Variants in ADGRF5 observed in about 807,000 individuals in gnomAD.
ADGRF5 encodes G-protein coupled receptor 116.
ADGRF5 carries 75 observed loss-of-function variants against 132.3 expected under a neutral mutation model. The ratio of observed to expected loss-of-function variants is 0.57; its 90% CI spans 0.47 to 0.69. ADGRF5 has a LOEUF of 0.69. Ranked by LOEUF, ADGRF5 falls within the 30% of genes least tolerant of loss-of-function variation. The pLI is 0.00. For synonymous variants in ADGRF5, 629 were observed against 597.6 expected (o/e 1.05, Z -0.77); for missense variants, 1,516 against 1,630.6 (o/e 0.93, Z 1.21).
chr6:46,877,289 TTC>T (rs71544214), intron 10 of ADGRF5, among the ~76,000 whole-genome samples: 1,150 of 67,994 alleles, frequency 0.017, 51 homozygotes, highest in African/African-American at 0.049. Flanking sequence ...CTTTCTTTCT[TTC>T]TCTCTCTCTC....
chr6:46,933,908 C>T (rs1199545733), intron 1 of ADGRF5, among the ~76,000 whole-genome samples: 2 of 152,170 alleles, frequency 1.3e-5, no homozygotes, highest in Admixed American at 6.5e-5. Flanking sequence ...ATTCCAGACC[C>T]ATCGCCCTTG....
chr6:46,922,176 C>T (rs1312066980), upstream of ADGRF5, among the ~76,000 whole-genome samples: 2 of 152,128 alleles, frequency 1.3e-5, no homozygotes, highest in Admixed American at 6.5e-5. Flanking sequence ...TAGGTTAGAG[C>T]TAATGAGAAG....
rs559663907 is a variant in ADGRF5 at position 46,864,961 on chromosome 6, T to A, written c.1990+81A>T. 494 of 908,790 alleles carry A rather than the reference T, an allele frequency of 5.4e-4. 1 individual carries two copies. Among genetic ancestry groups the A allele is most frequent in the Non-Finnish European group, 7.8e-4 (444 of 572,536 alleles). 56.3% of individuals were successfully genotyped at this position (908,790 alleles called of 1,614,324 possible). A position where few individuals can be genotyped will look rare whatever the true frequency, so the allele number is the denominator to read the frequency against. ...GGGTATTTAACATATGTTTATTGAATGGGGATGAATGAGGGAGTGAATAAA... is the reference window on the plus strand; with the variant it reads ...GGGTATTTAACATATGTTTATTGAAAGGGGATGAATGAGGGAGTGAATAAA... On this transcript the variant is annotated intron_variant, in intron 14 of 20. Transcript: ENST00000283296.
In ADGRF5 at chr6:46,855,840, A is replaced by G. The variant is rs1768973559; in HGVS notation, c.3961+134T>C. 1.5e-5 allele frequency: 10 copies of G among 656,288 alleles called. 1 individual carries two copies. The South Asian group carries it at 1.7e-4, about 11-fold the overall frequency. 40.7% of individuals were successfully genotyped at this position (656,288 alleles called of 1,614,324 possible). A position where few individuals can be genotyped will look rare whatever the true frequency, so the allele number is the denominator to read the frequency against. ...GATTTGTGAAAATGTAAGTTCCTCTATTTAACCTCTACCCCAAAAGAGGAC... is the reference window on the plus strand; with the variant it reads ...GATTTGTGAAAATGTAAGTTCCTCTGTTTAACCTCTACCCCAAAAGAGGAC... On this transcript the variant is annotated intron_variant, in intron 20 of 20. Coordinates refer to ENST00000283296, the MANE Select transcript of ADGRF5 (RefSeq NM_001098518.2).
chr6:46,871,816 G>A, intron 11 of ADGRF5, 27 bp downstream of exon 11: 4 of 1,507,258 alleles, frequency 2.7e-6, no homozygotes, highest in Non-Finnish European at 3.6e-6. Context: ...CCTATTTATG[G>A]CTAAAAATGC....
chr6:46,944,513 A>G (rs2047422187), intron 1 of ADGRF5, among the ~76,000 whole-genome samples: 1 of 152,074 alleles, frequency 6.6e-6, no homozygotes, highest in Admixed American at 6.5e-5. Flanking sequence ...TCCTACACAC[A>G]CAGGTTCCAA....
chr6:46,917,597 G>A (rs139657372), intron 1 of ADGRF5, among the ~76,000 whole-genome samples: 2,708 of 152,240 alleles, frequency 0.018, 39 homozygotes, highest in South Asian at 0.044. Context: ...CACTGAGTAT[G>A]GTCCCTGGCA....
intron 13 of ADGRF5, among the ~76,000 whole-genome samples, chr6:46,866,499 T>C (rs1283294527): frequency 6.6e-6 from 1 of 152,182 alleles, no homozygotes; most frequent in Non-Finnish European, 1.5e-5. Flanking sequence ...TAAAGCATCA[T>C]TTCTATTTTA....
chr6:46,930,748 ACAGT>A (rs1308760655), intron 1 of ADGRF5, among the ~76,000 whole-genome samples: 1 of 152,078 alleles, frequency 6.6e-6, no homozygotes, highest in East Asian at 1.9e-4. Flanking sequence ...TCACTGGAAA[ACAGT>A]CAATTAAATG....
intron 1 of ADGRF5, among the ~76,000 whole-genome samples, chr6:46,909,812 C>T (rs529702943): frequency 1.0e-3 from 153 of 152,026 alleles, no homozygotes; most frequent in African/African-American, 3.5e-3. Flanking sequence ...CTGTATTATA[C>T]CAAAACAAAC....
In ADGRF5 at chr6:46,860,699, G is replaced by C. The variant is rs750075806; in HGVS notation, c.2379+16C>G. ...AGGTAAGACCCAAAACTCCTGCAAA[G>C]GTTAAGCAAACTCACCGTCATCATT... On this transcript the variant is annotated intron_variant, in intron 16 of 20. Coordinates refer to ENST00000283296, the MANE Select transcript of ADGRF5 (RefSeq NM_001098518.2). 4.4e-6 allele frequency: 7 copies of C among 1,603,344 alleles called. No individual in the cohort carries two copies. The highest frequency in any genetic ancestry group is 1.7e-5 in the Admixed American group (1 of 59,540).
intron 10 of ADGRF5, among the ~76,000 whole-genome samples, chr6:46,872,524 G>T (rs1046689181): frequency 3.3e-5 from 5 of 152,100 alleles, no homozygotes; most frequent in Admixed American, 3.3e-4. Flanking sequence ...CAATACTGGG[G>T]CACCTGATAT....
upstream of ADGRF5, among the ~76,000 whole-genome samples, chr6:46,925,576 C>T (rs988847693): frequency 3.9e-5 from 6 of 152,086 alleles, no homozygotes; most frequent in Admixed American, 6.5e-5. Flanking sequence ...GCCAACATGG[C>T]GAAACCCTGT....
At chr6:46,881,627 C>T in intron 7 of ADGRF5, 30 bp from the exon 8 acceptor site, 2 of 1,601,850 alleles carry the variant, frequency 1.2e-6, no homozygotes, top group African/African-American at 1.3e-5. Context: ...TTCAGTAAAA[C>T]AATAACTGAC....
chr6:46,888,656 A>T (rs1241143103), intron 3 of ADGRF5, 151 bp from the exon 4 acceptor site: 5 of 628,124 alleles, frequency 8.0e-6, no homozygotes, highest in Non-Finnish European at 1.4e-5. Context: ...TCTTTAGAGA[A>T]AAAGAAGGTT....
In ADGRF5 at chr6:46,897,710, G is replaced by A. The variant is rs189415220; in HGVS notation, c.157+2319C>T. On this transcript the variant is annotated intron_variant, in intron 3 of 20. Transcript: ENST00000283296. Reference sequence around the variant, plus strand: ...CTGCCTCAGCCTCCTGAGTAGCTGGGAATACGACTATTTTTAGTAGAGACG... The same window carrying A: ...CTGCCTCAGCCTCCTGAGTAGCTGGAAATACGACTATTTTTAGTAGAGACG... 3.6e-3 allele frequency among the ~76,000 whole-genome samples: 545 copies of A among 152,238 alleles called. 1 individual carries two copies. Among genetic ancestry groups the A allele is most frequent in the Non-Finnish European group, 5.6e-3 (382 of 68,008 alleles).
At chr6:46,915,822 C>A (rs955830014) in intron 1 of ADGRF5, among the ~76,000 whole-genome samples, 17 of 152,022 alleles carry the variant, frequency 1.1e-4, no homozygotes, top group African/African-American at 4.1e-4. Flanking sequence ...CTTTAGTCCT[C>A]ACCTCATTAT....
chr6:46,954,515 T>C (rs550150691), intron 1 of ADGRF5, among the ~76,000 whole-genome samples: 30 of 152,026 alleles, frequency 2.0e-4, no homozygotes, highest in Non-Finnish European at 4.0e-4. Flanking sequence ...ATATACTGGC[T>C]GGCATTCTTT....
intron 1 of ADGRF5, among the ~76,000 whole-genome samples, chr6:46,937,419 A>T (rs1484274848): frequency 6.6e-6 from 1 of 152,116 alleles, no homozygotes; most frequent in Non-Finnish European, 1.5e-5. Context: ...TAAGCAGAGC[A>T]GTTCAGGTCA....
Sources: allele counts gnomAD v4.1 joint callset (sites outside exome capture counted in the v4.1 genomes callset), GRCh38; gene constraint gnomAD v4.1.1; transcripts MANE v1.5; gene names NCBI Gene and HGNC (gene_info 2026-07-23, HGNC 2026-07-21).